The following ZSCAN9 variants were observed in gnomAD, a reference collection of about 807,000 sequenced individuals.
The protein encoded by ZSCAN9 is zinc finger and SCAN domain containing 9, also known as zinc finger and SCAN domain-containing protein 9.
Under a neutral mutation model 23.0 loss-of-function variants are expected in ZSCAN9, and 19 were observed. The ratio of observed to expected loss-of-function variants is 0.83; its 90% CI spans 0.58 to 1.21. The LOEUF is 1.21. Among genes scored for constraint, ZSCAN9 ranks in the 50% most tolerant of loss-of-function variants. ZSCAN9 has a pLI of 0.00. For synonymous variants in ZSCAN9, 155 were observed against 164.8 expected (o/e 0.94, Z 0.46); for missense variants, 467 against 471.5 (o/e 0.99, Z 0.09).
rs746699195 is a variant in ZSCAN9 at position 28,232,623 on chromosome 6, G to A, written c.630G>A (p.Val210=). 20 of 1,614,072 alleles carry A rather than the reference G, an allele frequency of 1.2e-5. 1 individual carries two copies. In the South Asian group the frequency reaches 2.0e-4, roughly 16 times the overall value. Residue 210 remains valine, a synonymous_variant, in exon 4 of 4, where the codon GTG becomes GTA. Coordinates refer to ENST00000252207, the MANE Select transcript of ZSCAN9 (RefSeq NM_006299.5). ...TAAGGAAAGACTGTCCTAAGATAGT[G>A]GAACCACATGGGAAAATGTTTAATG... ...LVLRKDCPKI[V]EPHGKMFNEQ...
In ZSCAN9 at chr6:28,232,617, G is replaced by A; in HGVS notation, c.624G>A (p.Lys208=). The A allele has an allele frequency of 6.2e-7, 1 of 1,614,228 alleles. No individual in the cohort carries two copies. The highest frequency in any genetic ancestry group is 8.5e-7 in the Non-Finnish European group (1 of 1,180,044). Residue 208 remains lysine (K), a synonymous_variant, in exon 4 of 4, where the codon AAG becomes AAA. Coordinates refer to ENST00000252207, the MANE Select transcript of ZSCAN9 (RefSeq NM_006299.5). ...RELVLRKDCP[K]IVEPHGKMFN... Reference sequence around the variant, plus strand: ...TGGTGCTAAGGAAAGACTGTCCTAAGATAGTGGAACCACATGGGAAAATGT... The same window carrying A: ...TGGTGCTAAGGAAAGACTGTCCTAAAATAGTGGAACCACATGGGAAAATGT...
At position 28,233,271 on chromosome 6, in the gene ZSCAN9, A is replaced by C; in HGVS notation, c.*93A>C. On this transcript the variant is annotated 3_prime_UTR_variant, in exon 4 of 4. Coordinates refer to ENST00000252207, the MANE Select transcript of ZSCAN9 (RefSeq NM_006299.5). ...TGCCTCTTTCTTCCTTTCTCCATGAAATGTGTTTGAAACAAATCCTGACTT... is the reference window on the plus strand; with the variant it reads ...TGCCTCTTTCTTCCTTTCTCCATGACATGTGTTTGAAACAAATCCTGACTT... 2.0e-6 allele frequency: 3 copies of C among 1,516,928 alleles called. No homozygotes were observed. The highest frequency in any genetic ancestry group is 2.2e-5 in the Admixed American group (1 of 45,888). 94.0% of individuals were successfully genotyped at this position (1,516,928 alleles called of 1,614,324 possible). A position where few individuals can be genotyped will look rare whatever the true frequency, so the allele number is the denominator to read the frequency against.
intron 3 of ZSCAN9, among the ~76,000 whole-genome samples, chr6:28,232,202 G>A (rs751642114): frequency 8.5e-5 from 13 of 152,140 alleles, no homozygotes; most frequent in Non-Finnish European, 1.8e-4. Context: ...GTGGGGGTGC[G>A]TGCCTGTAGT....
In ZSCAN9 at chr6:28,227,109, T is replaced by A. The variant is rs1186903885; in HGVS notation, c.25T>A (p.Leu9Ile). 2 of 1,614,136 alleles carry A rather than the reference T, an allele frequency of 1.2e-6. No homozygotes were observed. The highest frequency in any genetic ancestry group is 1.7e-6 in the Non-Finnish European group (2 of 1,179,986). ...GATGAATACAAACTCAAAGGAGGTTTTATCCCTGGGTGTTCAAGTTCCCGA... is the reference window on the plus strand; with the variant it reads ...GATGAATACAAACTCAAAGGAGGTTATATCCCTGGGTGTTCAAGTTCCCGA... MNTNSKEV[L>I]SLGVQVPEAW... is the part of the protein sequence containing the mutation. Residue 9 changes from leucine to isoleucine, a missense_variant, in exon 2 of 4, where the codon TTA becomes ATA. Leu to Ile is a conservative substitution (Grantham distance 5, BLOSUM62 2). Transcript: ENST00000252207.
rs752244086 is a variant in ZSCAN9 at position 28,227,325 on chromosome 6, T to C, written c.241T>C (p.Leu81=). ...TRLQELCYQW[L]RPHVSTKEQI... is the part of the protein sequence containing the mutation. Reference sequence around the variant, plus strand: ...ACTCCAGGAACTTTGCTACCAGTGGTTGAGGCCACATGTGAGCACAAAGGA... The same window carrying C: ...ACTCCAGGAACTTTGCTACCAGTGGCTGAGGCCACATGTGAGCACAAAGGA... The change falls in exon 2 of 4, where the codon TTG becomes CTG. Residue 81 remains leucine (L), a synonymous_variant. Coordinates refer to ENST00000252207, the MANE Select transcript of ZSCAN9 (RefSeq NM_006299.5). 2.5e-6 allele frequency: 4 copies of C among 1,614,194 alleles called. No individual in the cohort carries two copies. Among genetic ancestry groups the C allele is most frequent in the African/African-American group, 2.7e-5 (2 of 75,054 alleles).
At chr6:28,231,485 G>A (rs1264117101) in intron 3 of ZSCAN9, among the ~76,000 whole-genome samples, 1 of 152,268 alleles carries the variant, frequency 6.6e-6, no homozygotes, top group African/African-American at 2.4e-5. Flanking sequence ...GGTGGCTCAC[G>A]CCTGTAATCC....
At chr6:28,231,011 G>A (rs1334637541) in intron 3 of ZSCAN9, among the ~76,000 whole-genome samples, 1 of 152,100 alleles carries the variant, frequency 6.6e-6, no homozygotes, top group Non-Finnish European at 1.5e-5. Context: ...ATAAAGTATA[G>A]TAGTCCTCAC....
rs922790413 is a variant in ZSCAN9 at position 28,227,707 on chromosome 6, C to T, written c.438C>T (p.His146=). The T allele has an allele frequency of 2.5e-6, 4 of 1,598,368 alleles. No homozygotes were observed. The highest frequency in any genetic ancestry group is 3.4e-6 in the Non-Finnish European group (4 of 1,176,406). Residue 146 remains histidine (H), a synonymous_variant, in exon 3 of 4, where the codon CAC becomes CAT. Coordinates refer to ENST00000252207, the MANE Select transcript of ZSCAN9 (RefSeq NM_006299.5). ...EPQHEMVAHR[H]RQEVLCKEMV... The stretch of plus-strand genomic sequence containing the variant: ...GTCCCCAGATGGTGGCCCACAGACA[C>T]AGACAAGAAGTCCTCTGTAAAGAGA...
chr6:28,230,335 G>A, intron 3 of ZSCAN9: 1 of 1,528,704 alleles, frequency 6.5e-7, no homozygotes, highest in Non-Finnish European at 8.7e-7. Flanking sequence ...ATGGATTTCA[G>A]ATTTAATACG....
Position 28,227,270 on chromosome 6 carries a change from G to A in ZSCAN9, c.186G>A (p.Glu62=), listed in dbSNP as rs1223952856. 1 of 1,614,190 alleles carries A rather than the reference G, an allele frequency of 6.2e-7. No homozygotes were observed. Among genetic ancestry groups the A allele is most frequent in the South Asian group, 1.1e-5 (1 of 91,082 alleles). Reference sequence around the variant, plus strand: ...ACTTTCGACAGCTGTGCTACCAAGAGACCCCTGGACCAAGGGAGGCTCTTA... The same window carrying A: ...ACTTTCGACAGCTGTGCTACCAAGAAACCCCTGGACCAAGGGAGGCTCTTA... ...RRHFRQLCYQ[E]TPGPREALTR... is the part of the protein sequence containing the mutation. The change falls in exon 2 of 4, where the codon GAG becomes GAA. Residue 62 remains glutamate, a synonymous_variant. Transcript: ENST00000252207.
Position 28,232,647 on chromosome 6 carries a change from T to C in ZSCAN9, c.654T>C (p.Asn218=), listed in dbSNP as rs769253260. 7.4e-6 allele frequency: 12 copies of C among 1,614,054 alleles called. No homozygotes were observed. The highest frequency in any genetic ancestry group is 9.3e-6 in the Non-Finnish European group (11 of 1,180,036). Residue 218 remains asparagine (N), a synonymous_variant, in exon 4 of 4, where the codon AAT becomes AAC. Transcript: ENST00000252207. ...KIVEPHGKMF[N]EQTWEVSQQD... is the part of the protein sequence containing the mutation. ...TGGAACCACATGGGAAAATGTTTAA[T>C]GAGCAGACCTGGGAGGTATCACAGC...
At chr6:28,231,283 A>G (rs1760294568) in intron 3 of ZSCAN9, among the ~76,000 whole-genome samples, 1 of 152,210 alleles carries the variant, frequency 6.6e-6, no homozygotes, top group Non-Finnish European at 1.5e-5. Context: ...GCACTGAGAC[A>G]CTGCAACAGT....
chr6:28,226,995 T>C lies in ZSCAN9; in HGVS notation c.-73-17T>C. 1 of 1,145,252 alleles carries C rather than the reference T, an allele frequency of 8.7e-7. No individual in the cohort carries two copies. The highest frequency in any genetic ancestry group is 1.2e-6 in the Non-Finnish European group (1 of 813,624). The allele number at this position is 1,145,252 out of a possible 1,614,324, so 70.9% of individuals were successfully genotyped here. On this transcript the variant is annotated splice_polypyrimidine_tract_variant and intron_variant, in intron 1 of 3. Transcript: ENST00000252207. ...ATTATCATTTTTCTATATAAATAAT[T>C]TATTTTTACTGCTTAGGCAAGCGCC...
Position 28,232,790 on chromosome 6 carries a change from G to A in ZSCAN9, c.797G>A (p.Ser266Asn), listed in dbSNP as rs922280666. The change falls in exon 4 of 4, where the codon AGC (serine) becomes AAC (asparagine). Residue 266 changes from serine (S) to asparagine (N), a missense_variant. Physicochemically the swap from Ser to Asn is conservative, Grantham distance 46. Transcript: ENST00000252207. ...GAATGTGGGAAGAGCTTTACTCAGA[G>A]CTCAGGTCTCATTCGACATCAAAGA... The part of the protein sequence containing the change: ...CDECGKSFTQ[S>N]SGLIRHQRIH... 2 of 1,614,096 alleles carry A rather than the reference G, an allele frequency of 1.2e-6. No individual in the cohort carries two copies. Among genetic ancestry groups the A allele is most frequent in the East Asian group, 4.5e-5 (2 of 44,900 alleles).
intron 3 of ZSCAN9, 181 bp downstream of exon 3, chr6:28,228,018 T>G (rs1760178616): frequency 1.3e-6 from 1 of 769,106 alleles, no homozygotes; most frequent in African/African-American, 1.7e-5. Context: ...TGCAGACTTC[T>G]CCCTGAGTAC....
rs1349578679 is a variant in ZSCAN9, at chr6:28,232,037, A to G, written c.569-525A>G. On this transcript the variant is annotated intron_variant, in intron 3 of 3. Transcript: ENST00000252207. Reference sequence around the variant, plus strand: ...AACCATCCCTCCCTATGAAGTATAAAAAAGGTACTGCCAGCTGGGTGCAGT... The same window carrying G: ...AACCATCCCTCCCTATGAAGTATAAGAAAGGTACTGCCAGCTGGGTGCAGT... Among the ~76,000 whole-genome samples, 3 of 152,264 alleles carry G rather than the reference A, an allele frequency of 2.0e-5. No individual in the cohort carries two copies. In the East Asian group the frequency reaches 5.8e-4, roughly 29 times the overall value.
rs1760157957 is a variant in ZSCAN9, at chr6:28,227,588, A to G, written c.420+84A>G. 3.2e-6 allele frequency: 5 copies of G among 1,567,976 alleles called. No individual in the cohort carries two copies. In the Admixed American group the frequency reaches 6.4e-5, roughly 20 times the overall value. On this transcript the variant is annotated intron_variant, in intron 2 of 3. Transcript: ENST00000252207. The stretch of plus-strand genomic sequence containing the variant: ...CACTTCTGCTTTGTGTCTCCTTGAC[A>G]TTGGTGATAAAATACTCTCTTCCTG...
chr6:28,229,504 G>A (rs1247171880), intron 3 of ZSCAN9, among the ~76,000 whole-genome samples: 1 of 151,880 alleles, frequency 6.6e-6, no homozygotes, highest in Non-Finnish European at 1.5e-5. Flanking sequence ...ATATCCAGAG[G>A]GCATCTGGAG....
At position 28,232,664 on chromosome 6, in the gene ZSCAN9, T is replaced by TA; in HGVS notation, c.672dup (p.Ser225IlefsTer12). On this transcript the variant is annotated frameshift_variant, in exon 4 of 4. Transcript: ENST00000252207. LOFTEE classifies it low-confidence loss of function (END_TRUNC). Reference sequence around the variant, plus strand: ...ATGTTTAATGAGCAGACCTGGGAGGTATCACAGCAGGATCCCTCACATGGA... The same window carrying TA: ...ATGTTTAATGAGCAGACCTGGGAGGTAATCACAGCAGGATCCCTCACATGGA... The TA allele has an allele frequency of 1.2e-6, 2 of 1,613,942 alleles. No homozygotes were observed. The highest frequency in any genetic ancestry group is 1.7e-6 in the Non-Finnish European group (2 of 1,180,000).
Sources: gnomAD v4.1 joint callset for allele counts (sites outside exome capture counted in the v4.1 genomes callset) on GRCh38, gnomAD v4.1.1 for gene constraint, MANE v1.5 for transcripts, NCBI Gene and HGNC (gene_info 2026-07-23, HGNC 2026-07-21) for gene names.